The following DOCK4 variants were observed in gnomAD, a reference collection of about 807,000 sequenced individuals.
DOCK4 encodes dedicator of cytokinesis protein 4.
A neutral mutation model predicts 268.1 loss-of-function variants in DOCK4; 97 were observed. That is an observed-to-expected ratio of 0.36 (90% CI 0.31 to 0.43). The LOEUF is 0.43. Ranked by LOEUF, DOCK4 falls within the 20% of genes least tolerant of loss-of-function variation. DOCK4 has a pLI of 1.00. For synonymous variants in DOCK4, 954 were observed against 887.2 expected, an observed-to-expected ratio of 1.08 and a Z score of -1.34; for missense variants, 2,145 against 2,455.7, an observed-to-expected ratio of 0.87 and a Z score of 2.67.
chr7:111,759,627 A>G (rs1486070294), intron 40 of DOCK4, among the ~76,000 whole-genome samples: 1 of 152,064 alleles, frequency 6.6e-6, no homozygotes, highest in Non-Finnish European at 1.5e-5. Context: ...TGTCTCTAAC[A>G]CCTATATAAT....
intron 23 of DOCK4, among the ~76,000 whole-genome samples, chr7:111,857,118 A>T: frequency 6.6e-6 from 1 of 152,236 alleles, no homozygotes; most frequent in South Asian, 2.1e-4. Context: ...TAGTTCTAAG[A>T]AATAAAAGCT....
At chr7:112,081,194 T>C (rs1808551009) in intron 1 of DOCK4, among the ~76,000 whole-genome samples, 1 of 152,002 alleles carries the variant, frequency 6.6e-6, no homozygotes, top group Admixed American at 6.6e-5. Context: ...CAGACAGGAA[T>C]GCGAATCCTG....
intron 16 of DOCK4, among the ~76,000 whole-genome samples, chr7:111,882,060 A>C (rs538875902): frequency 1.6e-4 from 25 of 152,356 alleles, no homozygotes; most frequent in African/African-American, 5.3e-4. Context: ...GTACATTTAA[A>C]AATAACTAAA....
At chr7:112,130,013 C>T (rs1004309025) in intron 1 of DOCK4, among the ~76,000 whole-genome samples, 1 of 152,206 alleles carries the variant, frequency 6.6e-6, no homozygotes, top group African/African-American at 2.4e-5. Context: ...TCCAAATGAA[C>T]AGGGCCTTGA....
At chr7:111,854,899 C>A (rs181919818) in intron 23 of DOCK4, among the ~76,000 whole-genome samples, 2 of 152,316 alleles carry the variant, frequency 1.3e-5, no homozygotes, top group East Asian at 3.9e-4. Flanking sequence ...ATACCCAATT[C>A]TCTATTTCAT....
chr7:112,147,727 G>A (rs989876204), intron 1 of DOCK4, among the ~76,000 whole-genome samples: 5 of 148,092 alleles, frequency 3.4e-5, no homozygotes, highest in Non-Finnish European at 7.4e-5. Flanking sequence ...CTGAATTCAA[G>A]TAATTGAAGA....
rs2133803983 is a variant in DOCK4, at chr7:111,790,617, A to C, written c.3167-12T>G. ...AAGCTTGTGCTCTCCTAAAGTGAGA[A>C]AAATATTTGAGTTTCAATATATTCA... On this transcript the variant is annotated splice_polypyrimidine_tract_variant and intron_variant, in intron 30 of 52. Coordinates refer to ENST00000428084, the MANE Select transcript of DOCK4 (RefSeq NM_001363540.2). The C allele has an allele frequency of 6.3e-7, 1 of 1,579,748 alleles. No homozygotes were observed. The highest frequency in any genetic ancestry group is 1.2e-5 in the South Asian group (1 of 85,116).
chr7:111,942,702 C>A (rs1795305105), intron 10 of DOCK4, among the ~76,000 whole-genome samples: 1 of 152,064 alleles, frequency 6.6e-6, no homozygotes, highest in Admixed American at 6.6e-5. Flanking sequence ...CCAAACTACT[C>A]ACCCCGCCAC....
intron 1 of DOCK4, among the ~76,000 whole-genome samples, chr7:112,060,867 GA>G (rs1806322884): frequency 6.6e-6 from 1 of 152,178 alleles, no homozygotes; most frequent in African/African-American, 2.4e-5. Flanking sequence ...TTTGCATGAT[GA>G]AAAGAGTTAC....
At chr7:111,757,431 T>G (rs963989353) in intron 41 of DOCK4, among the ~76,000 whole-genome samples, 1 of 152,192 alleles carries the variant, frequency 6.6e-6, no homozygotes, top group Non-Finnish European at 1.5e-5. Flanking sequence ...ATGATTTCAC[T>G]AAAAGCAACT....
At chr7:112,159,608 C>G (rs1469484540) in intron 1 of DOCK4, among the ~76,000 whole-genome samples, 1 of 152,060 alleles carries the variant, frequency 6.6e-6, no homozygotes. Context: ...AAGGATGTGT[C>G]ACGTTCCGTC....
chr7:111,836,336 T>C (rs535468350), intron 25 of DOCK4, among the ~76,000 whole-genome samples: 1 of 152,146 alleles, frequency 6.6e-6, no homozygotes, highest in Non-Finnish European at 1.5e-5. Context: ...TGGTCCTACC[T>C]CACAAATTTC....
chr7:111,994,467 G>A (rs1296880765), intron 4 of DOCK4, among the ~76,000 whole-genome samples: 4 of 152,116 alleles, frequency 2.6e-5, no homozygotes, highest in Non-Finnish European at 5.9e-5. Flanking sequence ...GGTGAAGAAG[G>A]AACAGCATCA....
chr7:111,865,858 A>C (rs1805934510), intron 22 of DOCK4, among the ~76,000 whole-genome samples: 1 of 152,260 alleles, frequency 6.6e-6, no homozygotes, highest in Admixed American at 6.5e-5. Flanking sequence ...CTGGCAGCTG[A>C]CAGCACCTCC....
intron 6 of DOCK4, among the ~76,000 whole-genome samples, chr7:111,985,454 C>A (rs577980703): frequency 6.6e-6 from 1 of 152,268 alleles, no homozygotes; most frequent in East Asian, 1.9e-4. Context: ...TATAGAACCA[C>A]AGCTTTCTTA....
chr7:112,056,822 C>G (rs1166449100), intron 1 of DOCK4, among the ~76,000 whole-genome samples: 1 of 152,060 alleles, frequency 6.6e-6, no homozygotes, highest in Non-Finnish European at 1.5e-5. Flanking sequence ...AACTGAAGAT[C>G]TAATCGGATC....
chr7:112,068,999 T>C (rs1334450008), intron 1 of DOCK4, among the ~76,000 whole-genome samples: 1 of 152,236 alleles, frequency 6.6e-6, no homozygotes, highest in Non-Finnish European at 1.5e-5. Context: ...CTATCTCTAA[T>C]TCTTCACTCC....
chr7:111,935,137 G>A (rs185122843), intron 12 of DOCK4, among the ~76,000 whole-genome samples: 8 of 151,700 alleles, frequency 5.3e-5, no homozygotes, highest in East Asian at 2.0e-4. Flanking sequence ...TAGTAGAGAC[G>A]GGGTTTCACT....
chr7:112,014,468 C>A (rs1320732651), intron 1 of DOCK4, among the ~76,000 whole-genome samples: 1 of 152,136 alleles, frequency 6.6e-6, no homozygotes, highest in Non-Finnish European at 1.5e-5. Flanking sequence ...AGGGACCCAG[C>A]CCCAACACAC....
Sources: gnomAD v4.1 joint callset for allele counts (sites outside exome capture counted in the v4.1 genomes callset) on GRCh38, gnomAD v4.1.1 for gene constraint, MANE v1.5 for transcripts, NCBI Gene and HGNC (gene_info 2026-07-23, HGNC 2026-07-21) for gene names.